SORL1: variants seen among roughly 807,000 people sequenced by gnomAD.
SORL1 encodes sortilin related receptor 1, also known as sortilin-related receptor.
In SORL1, 127 loss-of-function variants were observed where a neutral mutation model predicts 273.7. The observed-to-expected ratio is 0.46, with a 90% CI of 0.40 to 0.54. SORL1 has a LOEUF of 0.54. Among genes scored for constraint, SORL1 ranks in the 20% least tolerant of loss-of-function variants. The probability of loss-of-function intolerance (pLI) is 0.00; values close to 1 mark genes in which losing one functional copy is unlikely to be tolerated. For missense variants in SORL1, 2,494 were observed against 2,846.1 expected, an observed-to-expected ratio of 0.88 and a Z score of 2.81; for synonymous variants, 1,031 against 1,067.4, an observed-to-expected ratio of 0.97 and a Z score of 0.66.
At chr11:121,456,238 G>A (rs1860903314) in intron 1 of SORL1, among the ~76,000 whole-genome samples, 1 of 152,138 alleles carries the variant, frequency 6.6e-6, no homozygotes, top group Non-Finnish European at 1.5e-5. Flanking sequence ...GTATTCTCAG[G>A]CTATGGTGGG....
intron 26 of SORL1, among the ~76,000 whole-genome samples, chr11:121,584,277 T>C (rs891909493): frequency 6.6e-6 from 1 of 152,242 alleles, no homozygotes; most frequent in African/African-American, 2.4e-5. Flanking sequence ...AAACGTTGCA[T>C]GTTTCCCCAA....
chr11:121,468,556 G>A (rs1303974083), intron 1 of SORL1, among the ~76,000 whole-genome samples: 1 of 152,144 alleles, frequency 6.6e-6, no homozygotes, highest in Non-Finnish European at 1.5e-5. Flanking sequence ...GAGTAGCTGG[G>A]ACTACAGGTG....
rs540270244 is a variant in SORL1, at chr11:121,478,322, A to G, written c.528+79A>G. On this transcript the variant is annotated intron_variant, in intron 3 of 47. Transcript: ENST00000260197. ...AGATTGCCGCACTTAAGGGGGTGCT[A>G]GGAGATGGCGCTCTCTGTGATCTTT... is the stretch of plus-strand genomic sequence containing the variant. 8.2e-5 allele frequency: 122 copies of G among 1,482,838 alleles called. No individual in the cohort carries two copies. The African/African-American group carries it at 1.4e-3, about 18-fold the overall frequency. 91.9% of individuals were successfully genotyped at this position (1,482,838 alleles called of 1,614,324 possible). A position where few individuals can be genotyped will look rare whatever the true frequency, so the allele number is the denominator to read the frequency against.
At chr11:121,465,650 C>G (rs1159575259) in intron 1 of SORL1, among the ~76,000 whole-genome samples, 1 of 152,108 alleles carries the variant, frequency 6.6e-6, no homozygotes, top group Non-Finnish European at 1.5e-5. Context: ...GCCTCAGCTT[C>G]CCGAGTAGCT....
chr11:121,608,361 CTGAG>C (rs1429887037), intron 38 of SORL1, 185 bp downstream of exon 38: 9 of 582,044 alleles, frequency 1.5e-5, no homozygotes, highest in Middle Eastern at 4.4e-4. Flanking sequence ...TTTGGGGTGA[CTGAG>C]TGTCTTTTTC....
chr11:121,559,434 C>A, intron 20 of SORL1, 85 bp from the exon 21 acceptor site: 1 of 1,400,516 alleles, frequency 7.1e-7, no homozygotes. Flanking sequence ...TTAGTTGTCT[C>A]CTGCCTGGGG....
At chr11:121,488,281 G>A (rs992983455) in intron 4 of SORL1, 88 bp downstream of exon 4, 14 of 1,263,730 alleles carry the variant, frequency 1.1e-5, no homozygotes, top group Middle Eastern at 2.5e-4. Flanking sequence ...GAGTGACCTC[G>A]CCTCCTGCCT....
chr11:121,476,096 G>T (rs944385283), intron 2 of SORL1, among the ~76,000 whole-genome samples: 2 of 152,156 alleles, frequency 1.3e-5, no homozygotes, highest in Admixed American at 6.5e-5. Flanking sequence ...GAAGATATAC[G>T]TGGGGGGTTA....
intron 25 of SORL1, among the ~76,000 whole-genome samples, chr11:121,579,511 C>G (rs765095125): frequency 1.3e-5 from 2 of 152,132 alleles, no homozygotes. Context: ...CTCAACCCAC[C>G]GCTATTGTTT....
chr11:121,590,275 G>A, intron 30 of SORL1, 101 bp downstream of exon 30: 3 of 1,292,660 alleles, frequency 2.3e-6, no homozygotes, highest in Admixed American at 2.4e-5. Flanking sequence ...GTGTTTTGGG[G>A]GGCATATTTT....
intron 8 of SORL1, among the ~76,000 whole-genome samples, chr11:121,515,044 G>A (rs899514591): frequency 1.3e-5 from 2 of 152,188 alleles, no homozygotes; most frequent in Non-Finnish European, 2.9e-5. Flanking sequence ...ACTGGTCTGG[G>A]GTGGGGTCTG....
rs1179662564 is a variant in SORL1, at chr11:121,621,342, G to A, written c.6064+104G>A. 8 of 1,009,900 alleles carry A rather than the reference G, an allele frequency of 7.9e-6. No homozygotes were observed. In the Admixed American group the frequency reaches 1.2e-4, roughly 15 times the overall value. The allele number at this position is 1,009,900 out of a possible 1,614,324, so 62.6% of individuals were successfully genotyped here. On this transcript the variant is annotated intron_variant, in intron 44 of 47. Coordinates refer to ENST00000260197, the MANE Select transcript of SORL1 (RefSeq NM_003105.6). ...TTTCATTAGGCGTTTGTTTCACAGG[G>A]AGTGCAAACGCTGCCCTTCAATATT...
intron 2 of SORL1, among the ~76,000 whole-genome samples, chr11:121,470,814 A>G (rs1861156418): frequency 6.6e-6 from 1 of 152,164 alleles, no homozygotes; most frequent in Non-Finnish European, 1.5e-5. Flanking sequence ...AGTAGCAGGA[A>G]CTACAGGTGC....
At chr11:121,466,504 C>T (rs1467756718) in intron 1 of SORL1, among the ~76,000 whole-genome samples, 2 of 152,138 alleles carry the variant, frequency 1.3e-5, no homozygotes, top group African/African-American at 4.8e-5. Context: ...GGCCACATGC[C>T]ATGGAGAGCT....
At chr11:121,488,263 T>A in intron 4 of SORL1, 70 bp downstream of exon 4, 1 of 1,530,268 alleles carries the variant, frequency 6.5e-7, no homozygotes, top group Non-Finnish European at 9.0e-7. Flanking sequence ...GTGGATTGTG[T>A]GTCCTTTGAG....
At position 121,490,045 on chromosome 11, in the gene SORL1, G is replaced by A. The variant is rs1264555112; in HGVS notation, c.693G>A (p.Leu231=). 2 of 1,613,186 alleles carry A rather than the reference G, an allele frequency of 1.2e-6. No homozygotes were observed. The highest frequency in any genetic ancestry group is 2.7e-5 in the African/African-American group (2 of 74,938). Residue 231 remains leucine (L), a splice_region_variant and synonymous_variant, in exon 5 of 48, where the codon CTG becomes CTA. Coordinates refer to ENST00000260197, the MANE Select transcript of SORL1 (RefSeq NM_003105.6). ...GFDRSHPNKQ[L]WKSDDFGQTW... ...ATCATGACCACTTGTCTTTGCAGCT[G>A]TGGAAGTCAGATGACTTTGGCCAGA... is the stretch of plus-strand genomic sequence containing the variant.
chr11:121,551,868 T>A (rs149936361), intron 16 of SORL1, among the ~76,000 whole-genome samples: 7 of 152,212 alleles, frequency 4.6e-5, no homozygotes, highest in African/African-American at 7.2e-5. Context: ...TTCCAACAAA[T>A]GAGCAGATAA....
At chr11:121,590,910 CTG>C (rs1863202154) in intron 30 of SORL1, 89 bp from the exon 31 acceptor site, 19 of 1,444,052 alleles carry the variant, frequency 1.3e-5, no homozygotes, top group Non-Finnish European at 1.9e-5. Flanking sequence ...ACAGCTAAAA[CTG>C]GGACATCCGC....
intron 21 of SORL1, among the ~76,000 whole-genome samples, chr11:121,565,577 C>T (rs1264647399): frequency 2.0e-5 from 3 of 152,168 alleles, no homozygotes; most frequent in African/African-American, 7.2e-5. Flanking sequence ...CATCTCTGTC[C>T]ATGACATAGC....
Sources: allele counts gnomAD v4.1 joint callset (sites outside exome capture counted in the v4.1 genomes callset), GRCh38; gene constraint gnomAD v4.1.1; transcripts MANE v1.5; gene names NCBI Gene and HGNC (gene_info 2026-07-23, HGNC 2026-07-21).